Variants in SNAP25 observed in about 807,000 individuals in gnomAD.
The protein encoded by SNAP25 is synaptosome associated protein 25.
Under a neutral mutation model 28.7 loss-of-function variants are expected in SNAP25, and 3 were observed. That is an observed-to-expected ratio of 0.10 (90% CI 0.05 to 0.27). The LOEUF is 0.27. SNAP25 is among the 10% of genes least tolerant of loss of function. SNAP25 has a pLI of 1.00. For missense variants in SNAP25, 117 were observed against 278.7 expected, an observed-to-expected ratio of 0.42 and a Z score of 4.13; for synonymous variants, 61 against 88.1, an observed-to-expected ratio of 0.69 and a Z score of 1.72.
At chr20:10,297,286 A>G (rs1262861814) in intron 6 of SNAP25, among the ~76,000 whole-genome samples, 1 of 152,082 alleles carries the variant, frequency 6.6e-6, no homozygotes, top group Non-Finnish European at 1.5e-5. Context: ...GTTCTTCTCC[A>G]TGTGGCCTCT....
intron 6 of SNAP25, among the ~76,000 whole-genome samples, chr20:10,297,984 TAA>T (rs112970133): frequency 7.0e-6 from 1 of 143,736 alleles, no homozygotes; most frequent in African/African-American, 2.6e-5. Flanking sequence ...GCATTTCCTT[TAA>T]AAAAAAAAAA....
intron 4 of SNAP25, among the ~76,000 whole-genome samples, chr20:10,285,070 C>G (rs1477417317): frequency 2.0e-5 from 3 of 152,026 alleles, no homozygotes; most frequent in Admixed American, 6.6e-5. Context: ...GTATTTTGGA[C>G]AGTGTAAGAA....
intron 3 of SNAP25, among the ~76,000 whole-genome samples, chr20:10,282,602 T>G (rs1262548424): frequency 6.6e-6 from 1 of 152,212 alleles, no homozygotes; most frequent in Admixed American, 6.5e-5. Context: ...ATCAAGAAAG[T>G]GTAAACAGAT....
At chr20:10,272,616 G>A (rs1002923164) in intron 1 of SNAP25, among the ~76,000 whole-genome samples, 3 of 152,186 alleles carry the variant, frequency 2.0e-5, no homozygotes, top group African/African-American at 4.8e-5. Flanking sequence ...AAAGTCTCAT[G>A]TATTTAAATA....
intron 1 of SNAP25, among the ~76,000 whole-genome samples, chr20:10,229,551 C>T (rs927128056): frequency 6.6e-6 from 1 of 152,112 alleles, no homozygotes; most frequent in Non-Finnish European, 1.5e-5. Flanking sequence ...TCCAAAACAA[C>T]CCTATATAAA....
rs1374842565 is a variant in SNAP25 at position 10,264,486 on chromosome 20, T to C, written c.-63-10943T>C. ...TTAAAGTACTTGTCACTTGAGATTG[T>C]TCTTCAGCCAAATTCTCCTATAAGA... On this transcript the variant is annotated intron_variant, in intron 1 of 7. Coordinates refer to ENST00000254976, the MANE Select transcript of SNAP25 (RefSeq NM_130811.4). Among the ~76,000 whole-genome samples, 3 of 152,186 alleles carry C rather than the reference T, an allele frequency of 2.0e-5. No individual in the cohort carries two copies. In the East Asian group the frequency reaches 5.8e-4, roughly 29 times the overall value.
chr20:10,305,242 T>G (rs1272893567), intron 7 of SNAP25, among the ~76,000 whole-genome samples: 1 of 152,178 alleles, frequency 6.6e-6, no homozygotes, highest in Non-Finnish European at 1.5e-5. Context: ...TCCAGTGTAT[T>G]TATTGAAAAA....
At chr20:10,265,569 A>G (rs146131435) in intron 1 of SNAP25, among the ~76,000 whole-genome samples, 294 of 152,324 alleles carry the variant, frequency 1.9e-3, no homozygotes, top group African/African-American at 6.6e-3. Context: ...TTTTCTGAAT[A>G]CAAGAATTTA....
intron 4 of SNAP25, among the ~76,000 whole-genome samples, chr20:10,291,379 T>C (rs1397860545): frequency 6.6e-6 from 1 of 152,098 alleles, no homozygotes; most frequent in African/African-American, 2.4e-5. Flanking sequence ...CCCAGCTATA[T>C]TTGCGGATTT....
At chr20:10,256,225 A>G (rs1310391040) in intron 1 of SNAP25, among the ~76,000 whole-genome samples, 1 of 152,240 alleles carries the variant, frequency 6.6e-6, no homozygotes, top group Non-Finnish European at 1.5e-5. Flanking sequence ...TTAGTAGTTG[A>G]AACCTTCATG....
Position 10,277,686 on chromosome 20 carries a change from C to A in SNAP25, c.74C>A (p.Ser25Ter). ...GTTTGTTTGTTTTTTAAATCTTAGTCGCTGGAAAGCACCCGTCGTATGCTG... is the reference window on the plus strand; with the variant it reads ...GTTTGTTTGTTTTTTAAATCTTAGTAGCTGGAAAGCACCCGTCGTATGCTG... ...QRRADQLADE[S>*]LESTRRMLQL... Residue 25 changes from serine to a stop codon, truncating the protein, a stop_gained and splice_region_variant, in exon 3 of 8, where the codon TCG (serine) becomes TAG (stop). Transcript: ENST00000254976. LOFTEE classifies it high-confidence loss of function. The A allele has an allele frequency of 6.2e-7, 1 of 1,613,154 alleles. No individual in the cohort carries two copies. The highest frequency in any genetic ancestry group is 1.1e-5 in the South Asian group (1 of 91,014).
chr20:10,277,937 C>G, intron 3 of SNAP25: 1 of 495,368 alleles, frequency 2.0e-6, no homozygotes, highest in South Asian at 3.0e-5. Context: ...CCCAAGCCAC[C>G]TCTGTAGTCT....
At chr20:10,257,415 A>C (rs930037238) in intron 1 of SNAP25, among the ~76,000 whole-genome samples, 3 of 152,206 alleles carry the variant, frequency 2.0e-5, no homozygotes, top group Admixed American at 6.5e-5. Flanking sequence ...TACTACAAAT[A>C]CAAAAATTAG....
intron 1 of SNAP25, among the ~76,000 whole-genome samples, chr20:10,223,679 A>G (rs940668099): frequency 3.3e-5 from 5 of 152,078 alleles, no homozygotes; most frequent in African/African-American, 9.7e-5. Flanking sequence ...TAAAAAAAAA[A>G]GTCTTACAAG....
intron 1 of SNAP25, among the ~76,000 whole-genome samples, chr20:10,254,418 C>T (rs998093297): frequency 1.3e-5 from 2 of 152,158 alleles, no homozygotes; most frequent in South Asian, 2.1e-4. Flanking sequence ...TCCTCCACTC[C>T]CTTCCTGATC....
chr20:10,304,852 A>T (rs563100981), intron 7 of SNAP25, among the ~76,000 whole-genome samples: 5 of 152,298 alleles, frequency 3.3e-5, no homozygotes, highest in African/African-American at 1.2e-4. Flanking sequence ...GAGGATGATT[A>T]GTATCACAGA....
At chr20:10,223,953 A>C (rs2062681942) in intron 1 of SNAP25, among the ~76,000 whole-genome samples, 1 of 152,186 alleles carries the variant, frequency 6.6e-6, no homozygotes, top group Non-Finnish European at 1.5e-5. Flanking sequence ...GAGATACCCA[A>C]ATCAGTGATT....
At chr20:10,258,324 T>C (rs1169996658) in intron 1 of SNAP25, among the ~76,000 whole-genome samples, 1 of 152,238 alleles carries the variant, frequency 6.6e-6, no homozygotes, top group Non-Finnish European at 1.5e-5. Flanking sequence ...GTTGGCTCTC[T>C]CATTAATGAG....
At chr20:10,272,993 T>A (rs913075319) in intron 1 of SNAP25, among the ~76,000 whole-genome samples, 18 of 152,254 alleles carry the variant, frequency 1.2e-4, no homozygotes, top group African/African-American at 4.3e-4. Flanking sequence ...TGGAAAGTGA[T>A]ATTAATATGT....
Sources: gnomAD v4.1 joint callset for allele counts (sites outside exome capture counted in the v4.1 genomes callset) on GRCh38, gnomAD v4.1.1 for gene constraint, MANE v1.5 for transcripts, NCBI Gene and HGNC (gene_info 2026-07-23, HGNC 2026-07-21) for gene names.